The following ASAP1 variants were observed in gnomAD, a reference collection of about 807,000 sequenced individuals.
The protein encoded by ASAP1 is arf-GAP with SH3 domain, ANK repeat and PH domain-containing protein 1.
A neutral mutation model predicts 145.2 loss-of-function variants in ASAP1; 43 were observed. The observed-to-expected ratio is 0.30, with a 90% CI of 0.23 to 0.38. ASAP1 has a LOEUF of 0.38. Among genes scored for constraint, ASAP1 ranks in the 10% least tolerant of loss-of-function variants. The probability of loss-of-function intolerance (pLI) is 1.00; values close to 1 mark genes in which losing one functional copy is unlikely to be tolerated. For missense variants in ASAP1, 1,018 were observed against 1,355.3 expected (o/e 0.75, Z 3.91); for synonymous variants, 546 against 515.5 (o/e 1.06, Z -0.80).
At chr8:130,179,190 G>A (rs2136161698) in intron 9 of ASAP1, 74 bp downstream of exon 9, 1 of 880,312 alleles carries the variant, frequency 1.1e-6, no homozygotes, top group East Asian at 2.7e-5. Flanking sequence ...AAGATATGAA[G>A]AGGATTAAGA....
chr8:130,324,343 G>A (rs1824197729), intron 3 of ASAP1, among the ~76,000 whole-genome samples: 1 of 152,154 alleles, frequency 6.6e-6, no homozygotes, highest in Non-Finnish European at 1.5e-5. Context: ...TGGGAGTATG[G>A]CCGAAACTGT....
Position 130,199,838 on chromosome 8 carries a change from AAAAC to A in ASAP1, c.406-11659_406-11656del, listed in dbSNP as rs377335721. ...TGGTCCCCAACTCAACAAAGTAACA[AAAAC>A]AAACAAACAAACAGTTCTGTGGTAA... is the stretch of plus-strand genomic sequence containing the variant. On this transcript the variant is annotated intron_variant, in intron 5 of 29. Transcript: ENST00000518721. Among the ~76,000 whole-genome samples, 131 of 151,958 alleles carry A rather than the reference AAAAC, an allele frequency of 8.6e-4. No individual in the cohort carries two copies. In the South Asian group the frequency reaches 0.011, roughly 12 times the overall value.
rs546908519 is a variant in ASAP1, at chr8:130,167,292, T to A, written c.909+244A>T. 3.6e-5 allele frequency among the ~76,000 whole-genome samples: 5 copies of A among 140,382 alleles called. No homozygotes were observed. In the East Asian group the frequency reaches 1.0e-3, roughly 29 times the overall value. The allele number at this position is 140,382 out of a possible 152,430, so 92.1% of individuals were successfully genotyped here. On this transcript the variant is annotated intron_variant, in intron 11 of 29. Transcript: ENST00000518721. ...GCCTGGGTGACAGAGTGAGACCCTG[T>A]CTCAAAAAAGTAAAGAAAAAAGAAA...
intron 3 of ASAP1, among the ~76,000 whole-genome samples, chr8:130,289,817 T>C (rs529165990): frequency 1.3e-5 from 2 of 152,352 alleles, no homozygotes; most frequent in East Asian, 1.9e-4. Context: ...TTGTTTATTA[T>C]ACAACATACC....
At chr8:130,426,766 A>G (rs1439486714) in intron 1 of ASAP1, among the ~76,000 whole-genome samples, 1 of 152,072 alleles carries the variant, frequency 6.6e-6, no homozygotes, top group Non-Finnish European at 1.5e-5. Flanking sequence ...AGCCTCCTTG[A>G]ACACCCCATT....
chr8:130,111,532 A>G (rs1038528029), intron 24 of ASAP1, among the ~76,000 whole-genome samples: 24 of 152,236 alleles, frequency 1.6e-4, no homozygotes, highest in African/African-American at 5.3e-4. Context: ...ACTGCATAAT[A>G]GCACCTACCT....
At chr8:130,295,427 C>A (rs1012741816) in intron 3 of ASAP1, among the ~76,000 whole-genome samples, 2 of 152,012 alleles carry the variant, frequency 1.3e-5, no homozygotes, top group Non-Finnish European at 1.5e-5. Context: ...AGACAGAGAG[C>A]TAGGTTCAAG....
rs189200132 is a variant in ASAP1 at position 130,068,292 on chromosome 8, C to T, written c.2702-7223G>A. Among the ~76,000 whole-genome samples the T allele has an allele frequency of 5.3e-5, 8 of 152,298 alleles. No individual in the cohort carries two copies. In the East Asian group the frequency reaches 1.5e-3, roughly 29 times the overall value. On this transcript the variant is annotated intron_variant, in intron 27 of 29. Coordinates refer to ENST00000518721, the MANE Select transcript of ASAP1 (RefSeq NM_018482.4). ...GGACTAAGCTCAGATGTGGGTCTGCCTGAGCTTAGTCCACTAGCCTTAAAG... is the reference window on the plus strand; with the variant it reads ...GGACTAAGCTCAGATGTGGGTCTGCTTGAGCTTAGTCCACTAGCCTTAAAG...
intron 2 of ASAP1, among the ~76,000 whole-genome samples, chr8:130,361,438 A>G (rs1397575536): frequency 1.3e-5 from 2 of 152,248 alleles, no homozygotes; most frequent in Non-Finnish European, 2.9e-5. Flanking sequence ...GCTAACTGCA[A>G]TGGTAGACAG....
intron 3 of ASAP1, among the ~76,000 whole-genome samples, chr8:130,300,184 A>AGAGAGAGAGAGAGAGAGAGC (rs761456724): frequency 1.4e-5 from 2 of 140,364 alleles, no homozygotes; most frequent in Middle Eastern, 3.8e-3. Context: ...AGAGAGAGAG[A>AGAGAGAGAGAGAGAGAGAGC]GAGCGAGCGA....
At chr8:130,179,393 G>T in intron 8 of ASAP1, 44 bp from the exon 9 acceptor site, 1 of 1,245,018 alleles carries the variant, frequency 8.0e-7, no homozygotes, top group Non-Finnish European at 1.2e-6. Flanking sequence ...ATTCCAGATG[G>T]GGCTCTTCAG....
intron 29 of ASAP1, among the ~76,000 whole-genome samples, chr8:130,057,471 T>C (rs771874005): frequency 1.6e-4 from 24 of 152,154 alleles, no homozygotes; most frequent in Non-Finnish European, 3.1e-4. Context: ...TTTTTTCAGA[T>C]GGAGTCTCGC....
intron 1 of ASAP1, among the ~76,000 whole-genome samples, chr8:130,441,520 G>A (rs1830488242): frequency 6.6e-6 from 1 of 152,222 alleles, no homozygotes; most frequent in African/African-American, 2.4e-5. Context: ...TGAGACCTAG[G>A]TGGGGAAATG....
chr8:130,097,334 G>T (rs1354822299), intron 24 of ASAP1, among the ~76,000 whole-genome samples: 1 of 151,836 alleles, frequency 6.6e-6, no homozygotes, highest in Non-Finnish European at 1.5e-5. Context: ...TTCTCCAGGG[G>T]TTCTAAATGT....
Position 130,216,747 on chromosome 8 carries a change from C to T in ASAP1, c.260-2046G>A, listed in dbSNP as rs545934506. ...CCAGAAAAACCCACCCTCTGTAATA[C>T]AGACATATATTCAACTACCTATTCA... On this transcript the variant is annotated intron_variant, in intron 4 of 29. Coordinates refer to ENST00000518721, the MANE Select transcript of ASAP1 (RefSeq NM_018482.4). 4.6e-5 allele frequency among the ~76,000 whole-genome samples: 7 copies of T among 152,330 alleles called. No homozygotes were observed. The South Asian group carries it at 1.4e-3, about 32-fold the overall frequency.
In ASAP1 at chr8:130,111,318, G is replaced by A. The variant is rs572740617; in HGVS notation, c.2401+776C>T. Among the ~76,000 whole-genome samples, 5 of 151,464 alleles carry A rather than the reference G, an allele frequency of 3.3e-5. No individual in the cohort carries two copies. The South Asian group carries it at 1.0e-3, about 32-fold the overall frequency. On this transcript the variant is annotated intron_variant, in intron 24 of 29. Transcript: ENST00000518721. ...GGATCAGGATCACTTGAGCCCCGGA[G>A]ATGGAGGCGACTGAGAAAGGCCTGT...
At chr8:130,116,856 T>G (rs1366327859) in intron 21 of ASAP1, 24 bp downstream of exon 21, 1 of 1,596,798 alleles carries the variant, frequency 6.3e-7, no homozygotes, top group Non-Finnish European at 8.6e-7. Context: ...ACTACAGTCA[T>G]GAAGACACTA....
Position 130,067,908 on chromosome 8 carries a change from T to C in ASAP1, c.2702-6839A>G, listed in dbSNP as rs150164966. Among the ~76,000 whole-genome samples the C allele has an allele frequency of 9.8e-5, 15 of 152,324 alleles. No individual in the cohort carries two copies. In the East Asian group the frequency reaches 1.9e-3, roughly 20 times the overall value. ...ATTAATAGCGACATAAAAATCAGTC[T>C]GCTGGGAGCCGTACACCACACATTT... On this transcript the variant is annotated intron_variant, in intron 27 of 29. Transcript: ENST00000518721.
At position 130,352,137 on chromosome 8, in the gene ASAP1, G is replaced by C. The variant is rs915281466; in HGVS notation, c.186+5880C>G. Among the ~76,000 whole-genome samples the C allele has an allele frequency of 3.0e-4, 45 of 151,714 alleles. 1 individual carries two copies. The highest frequency in any genetic ancestry group is 4.1e-4 in the Non-Finnish European group (28 of 67,992). On this transcript the variant is annotated intron_variant, in intron 3 of 29. Transcript: ENST00000518721. ...TTGTTGTATTATCTTCAAGAGGTCA[G>C]AGACAGACCCAAACATACTTTCTCT...
Sources: allele counts gnomAD v4.1 joint callset (sites outside exome capture counted in the v4.1 genomes callset), GRCh38; gene constraint gnomAD v4.1.1; transcripts MANE v1.5; gene names NCBI Gene and HGNC (gene_info 2026-07-23, HGNC 2026-07-21).